MAP3K20: variants seen among roughly 807,000 people sequenced by gnomAD.
The protein encoded by MAP3K20 is mitogen-activated protein kinase kinase kinase 20.
MAP3K20 carries 40 observed loss-of-function variants against 85.7 expected under a neutral mutation model. The ratio of observed to expected loss-of-function variants is 0.47; its 90% CI spans 0.36 to 0.61. The LOEUF (loss-of-function observed/expected upper bound fraction) is 0.61. Among genes scored for constraint, MAP3K20 ranks in the 20% least tolerant of loss-of-function variants. The pLI, the probability that MAP3K20 is intolerant of heterozygous loss-of-function variation, is 0.00. For missense variants in MAP3K20, 817 were observed against 961.7 expected (o/e 0.85, Z 1.99); for synonymous variants, 325 against 327.7 (o/e 0.99, Z 0.09).
At chr2:173,082,083 C>T (rs1242004272) in intron 1 of MAP3K20, among the ~76,000 whole-genome samples, 5 of 151,868 alleles carry the variant, frequency 3.3e-5, no homozygotes, top group Non-Finnish European at 5.9e-5. Context: ...CTTATGGCAA[C>T]CTTGAACTCT....
At chr2:173,214,176 CTG>C (rs1337370720) in intron 10 of MAP3K20, 2 of 145,184 alleles carry the variant, frequency 1.4e-5, no homozygotes, top group Non-Finnish European at 3.1e-5. Flanking sequence ...ACCACATAAA[CTG>C]TGTTCTTTCC....
intron 2 of MAP3K20, among the ~76,000 whole-genome samples, chr2:173,116,069 C>T (rs1688115258): frequency 6.6e-6 from 1 of 151,772 alleles, no homozygotes. Context: ...AGGCCAGTCT[C>T]ACTAACTCCT....
At chr2:173,079,439 A>C (rs1278534824) in intron 1 of MAP3K20, among the ~76,000 whole-genome samples, 2 of 152,168 alleles carry the variant, frequency 1.3e-5, no homozygotes, top group Admixed American at 1.3e-4. Context: ...AACACTGTAC[A>C]CTTAGGCTCT....
chr2:173,226,761 C>A, intron 11 of MAP3K20: 4 of 980,530 alleles, frequency 4.1e-6, no homozygotes, highest in Non-Finnish European at 4.8e-6. Context: ...ATACACTGCA[C>A]ATATTGCTTT....
intron 11 of MAP3K20, chr2:173,221,443 G>A (rs754297394): frequency 2.5e-6 from 4 of 1,613,712 alleles, no homozygotes; most frequent in African/African-American, 1.3e-5. Flanking sequence ...TGGCTCTGGG[G>A]TTCAGTGATT....
At chr2:173,090,588 G>A in intron 1 of MAP3K20, 1 of 984,654 alleles carries the variant, frequency 1.0e-6, no homozygotes, top group Non-Finnish European at 1.2e-6. Context: ...GCAGCGTGGA[G>A]AGGTGGCATG....
At chr2:173,250,636 G>C (rs530763694) in intron 16 of MAP3K20, among the ~76,000 whole-genome samples, 1 of 152,320 alleles carries the variant, frequency 6.6e-6, no homozygotes, top group East Asian at 1.9e-4. Context: ...GGTGCCAAGT[G>C]AAAGGTGCTG....
intron 7 of MAP3K20, among the ~76,000 whole-genome samples, chr2:173,196,940 A>T: frequency 7.3e-6 from 1 of 136,178 alleles, no homozygotes; most frequent in South Asian, 2.4e-4. Context: ...TGGATAACTG[A>T]CTGTCTTTGG....
rs537207243 is a variant in MAP3K20, at chr2:173,167,233, G to A, written c.160-2572G>A. Among the ~76,000 whole-genome samples the A allele has an allele frequency of 1.1e-4, 16 of 151,758 alleles. No individual in the cohort carries two copies. The South Asian group carries it at 3.1e-3, about 30-fold the overall frequency. On this transcript the variant is annotated intron_variant, in intron 2 of 19. Transcript: ENST00000375213. The stretch of plus-strand genomic sequence containing the variant: ...CCCGGCCAACAGTTTTTTTTTTAAT[G>A]AGCTCTTGCAAGCAGGTGCCTATAA...
At chr2:173,084,251 A>G (rs1687086135) in intron 1 of MAP3K20, among the ~76,000 whole-genome samples, 1 of 152,074 alleles carries the variant, frequency 6.6e-6, no homozygotes, top group African/African-American at 2.4e-5. Context: ...ACTTGCAGGT[A>G]TTGGATAATC....
At chr2:173,218,723 T>G (rs1368191661) in intron 11 of MAP3K20, among the ~76,000 whole-genome samples, 1 of 152,256 alleles carries the variant, frequency 6.6e-6, no homozygotes. Context: ...TGTAGTATTG[T>G]AAGAAAAAAC....
intron 11 of MAP3K20, chr2:173,226,744 AGATAT>A (rs1396374503): frequency 1.0e-6 from 1 of 985,656 alleles, no homozygotes; most frequent in African/African-American, 1.7e-5. Context: ...TTTTAATGTC[AGATAT>A]GATACACTGC....
chr2:173,207,902 C>T (rs1340302171), intron 9 of MAP3K20, among the ~76,000 whole-genome samples: 8 of 152,010 alleles, frequency 5.3e-5, no homozygotes, highest in Non-Finnish European at 1.0e-4. Flanking sequence ...ACTTTGATAA[C>T]CTCTATCCAA....
At chr2:173,108,994 A>C (rs1243506164) in intron 2 of MAP3K20, among the ~76,000 whole-genome samples, 1 of 152,224 alleles carries the variant, frequency 6.6e-6, no homozygotes, top group African/African-American at 2.4e-5. Flanking sequence ...CAATCATGCA[A>C]AGTACCTTGA....
intron 2 of MAP3K20, among the ~76,000 whole-genome samples, chr2:173,103,962 A>G (rs891865651): frequency 2.0e-5 from 3 of 152,228 alleles, no homozygotes; most frequent in Admixed American, 6.5e-5. Flanking sequence ...GTACTATTCT[A>G]GATACTGGAA....
At chr2:173,107,578 T>G (rs889596511) in intron 2 of MAP3K20, among the ~76,000 whole-genome samples, 24 of 152,246 alleles carry the variant, frequency 1.6e-4, no homozygotes, top group Non-Finnish European at 2.9e-4. Context: ...TAACATCTTC[T>G]GCCTTGCGCT....
intron 2 of MAP3K20, among the ~76,000 whole-genome samples, chr2:173,106,194 T>C (rs13022800): frequency 0.3 from 46,084 of 152,106 alleles, 8,492 homozygotes; most frequent in Non-Finnish European, 0.41. Flanking sequence ...AATTGATAAG[T>C]AGATTGTAAA....
intron 11 of MAP3K20, chr2:173,225,088 T>A: frequency 1.0e-6 from 1 of 984,788 alleles, no homozygotes. Flanking sequence ...CCTTTCATCT[T>A]TTTTTCTTAA....
intron 2 of MAP3K20, among the ~76,000 whole-genome samples, chr2:173,128,921 CTTTTTT>C (rs386391866): frequency 1.7e-5 from 2 of 116,092 alleles, no homozygotes; most frequent in Admixed American, 2.1e-4. Context: ...GAAATCTTTT[CTTTTTT>C]TTTTTTTTTT....
Sources: allele counts gnomAD v4.1 joint callset (sites outside exome capture counted in the v4.1 genomes callset), GRCh38; gene constraint gnomAD v4.1.1; transcripts MANE v1.5; gene names NCBI Gene and HGNC (gene_info 2026-07-23, HGNC 2026-07-21).